IL7: variants seen among roughly 807,000 people sequenced by gnomAD.
The protein encoded by IL7 is interleukin 7.
IL7 carries 3 observed loss-of-function variants against 21.6 expected under a neutral mutation model. That is an observed-to-expected ratio of 0.14 (90% CI 0.06 to 0.36). IL7 has a LOEUF of 0.36. IL7 is among the 10% of genes least tolerant of loss of function. The pLI is 1.00. For missense variants in IL7, 175 were observed against 200.2 expected, an observed-to-expected ratio of 0.87 and a Z score of 0.76; for synonymous variants, 62 against 68.1, an observed-to-expected ratio of 0.91 and a Z score of 0.44.
intron 2 of IL7, among the ~76,000 whole-genome samples, chr8:78,795,648 T>C (rs983885949): frequency 6.6e-5 from 10 of 152,066 alleles, no homozygotes; most frequent in African/African-American, 2.2e-4. Flanking sequence ...CATATAGTTA[T>C]TTATAAATGT....
intron 2 of IL7, among the ~76,000 whole-genome samples, chr8:78,768,710 A>G (rs1186204411): frequency 4.0e-5 from 6 of 151,690 alleles, no homozygotes; most frequent in African/African-American, 1.5e-4. Context: ...ATTTTCTCCC[A>G]TTTTGTATGT....
chr8:78,760,482 A>G (rs748745823), intron 2 of IL7: 25 of 1,541,622 alleles, frequency 1.6e-5, no homozygotes, highest in Admixed American at 2.0e-5. Context: ...CTGTGTTTCC[A>G]TTTGATTCCC....
intron 4 of IL7, among the ~76,000 whole-genome samples, chr8:78,682,013 G>A (rs1311778801): frequency 6.6e-6 from 1 of 151,140 alleles, no homozygotes; most frequent in Non-Finnish European, 1.5e-5. Flanking sequence ...AAAATGTGGG[G>A]ATTACAGGCA....
intron 3 of IL7, among the ~76,000 whole-genome samples, chr8:78,709,703 A>G (rs1810893928): frequency 6.6e-6 from 1 of 151,944 alleles, no homozygotes; most frequent in Non-Finnish European, 1.5e-5. Context: ...ACGAACGCTA[A>G]TGATAGCTGA....
chr8:78,699,909 G>T (rs1487600098), intron 3 of IL7, among the ~76,000 whole-genome samples: 1 of 152,054 alleles, frequency 6.6e-6, no homozygotes, highest in Non-Finnish European at 1.5e-5. Context: ...TCAGTATTAT[G>T]AATAGTGCTG....
intron 2 of IL7, among the ~76,000 whole-genome samples, chr8:78,786,346 G>A (rs1231947883): frequency 6.6e-6 from 1 of 152,152 alleles, no homozygotes; most frequent in African/African-American, 2.4e-5. Context: ...AACAGGTACA[G>A]TAAAAATATG....
intron 2 of IL7, among the ~76,000 whole-genome samples, chr8:78,777,878 C>T (rs985294991): frequency 2.6e-5 from 4 of 152,020 alleles, no homozygotes; most frequent in African/African-American, 7.2e-5. Flanking sequence ...AAAGCCTGAT[C>T]GCTCCTTATT....
chr8:78,750,652 T>A (rs1586068382), intron 2 of IL7, among the ~76,000 whole-genome samples: 1 of 152,136 alleles, frequency 6.6e-6, no homozygotes, highest in Non-Finnish European at 1.5e-5. Context: ...TGAAACCCCG[T>A]CTCTACTAAA....
At chr8:78,763,548 C>G (rs1329111079) in intron 2 of IL7, among the ~76,000 whole-genome samples, 1 of 152,084 alleles carries the variant, frequency 6.6e-6, no homozygotes, top group Non-Finnish European at 1.5e-5. Flanking sequence ...TTATGAGCAA[C>G]TCTAAATCCA....
chr8:78,736,440 T>C (rs367831581), intron 5 of IL7, 34 bp downstream of exon 5: 1 of 1,395,430 alleles, frequency 7.2e-7, no homozygotes, highest in African/African-American at 1.4e-5. Flanking sequence ...AAAAACCTGA[T>C]GAACCATAAG....
chr8:78,731,716 G>A (rs1025631660), downstream of IL7, among the ~76,000 whole-genome samples: 1 of 151,952 alleles, frequency 6.6e-6, no homozygotes, highest in Non-Finnish European at 1.5e-5. Flanking sequence ...TATCTTGTTA[G>A]AGGCTAGGAA....
intron 2 of IL7, among the ~76,000 whole-genome samples, chr8:78,749,036 C>A (rs1812076768): frequency 6.6e-6 from 1 of 152,134 alleles, no homozygotes; most frequent in Non-Finnish European, 1.5e-5. Context: ...TATGTAGACA[C>A]TTGAACACAC....
chr8:78,726,786 A>G (rs1170561482), intron 3 of IL7, among the ~76,000 whole-genome samples: 1 of 151,988 alleles, frequency 6.6e-6, no homozygotes, highest in African/African-American at 2.4e-5. Flanking sequence ...AGTCCCACTC[A>G]TTAGAAATAA....
At chr8:78,694,796 G>C (rs1810346150) in intron 3 of IL7, among the ~76,000 whole-genome samples, 2 of 152,080 alleles carry the variant, frequency 1.3e-5, no homozygotes, top group African/African-American at 4.8e-5. Context: ...AGATTTGTGA[G>C]CAGCATAAAA....
At chr8:78,804,821 G>C in intron 1 of IL7, 92 bp downstream of exon 1, 1 of 1,464,164 alleles carries the variant, frequency 6.8e-7, no homozygotes. Flanking sequence ...GCTATTCCCG[G>C]ACTTGCCTAG....
intron 5 of IL7, among the ~76,000 whole-genome samples, 156 bp downstream of exon 5, chr8:78,736,318 A>G (rs1811594957): frequency 6.6e-6 from 1 of 152,046 alleles, no homozygotes. Flanking sequence ...AAAGGAATCA[A>G]ATTTTTGAGG....
At chr8:78,731,951 T>A (rs183539906), downstream of IL7, among the ~76,000 whole-genome samples, 2 of 152,232 alleles carry the variant, frequency 1.3e-5, no homozygotes, top group East Asian at 3.9e-4. Flanking sequence ...TATATTTTTT[T>A]AACACTGTTA....
chr8:78,698,509 G>T (rs375835069), intron 3 of IL7: 2 of 1,603,174 alleles, frequency 1.2e-6, no homozygotes, highest in Non-Finnish European at 8.5e-7. Context: ...AGCCCCTCAT[G>T]CAGGGTAAGT....
intron 2 of IL7, among the ~76,000 whole-genome samples, chr8:78,749,390 G>A (rs1812093461): frequency 6.6e-6 from 1 of 151,974 alleles, no homozygotes; most frequent in African/African-American, 2.4e-5. Flanking sequence ...AAAGTAAAAA[G>A]CTAAACCCAT....
Sources: allele counts gnomAD v4.1 joint callset (sites outside exome capture counted in the v4.1 genomes callset), GRCh38; gene constraint gnomAD v4.1.1; transcripts MANE v1.5; gene names NCBI Gene and HGNC (gene_info 2026-07-23, HGNC 2026-07-21).